The following GRIP1 variants were observed in gnomAD, a reference collection of about 807,000 sequenced individuals.
The protein encoded by GRIP1 is glutamate receptor-interacting protein 1.
GRIP1 carries 45 observed loss-of-function variants against 129.9 expected under a neutral mutation model. That is an observed-to-expected ratio of 0.35 (90% CI 0.27 to 0.44). GRIP1 has a LOEUF of 0.44. Ranked by LOEUF, GRIP1 falls within the 20% of genes least tolerant of loss-of-function variation. The pLI is 1.00. For synonymous variants in GRIP1, 530 were observed against 520.8 expected (o/e 1.02, Z -0.24); for missense variants, 1,196 against 1,396.8 (o/e 0.86, Z 2.29).
intron 9 of GRIP1, among the ~76,000 whole-genome samples, chr12:66,461,346 A>G (rs2059130069): frequency 6.6e-6 from 1 of 152,198 alleles, no homozygotes; most frequent in Non-Finnish European, 1.5e-5. Flanking sequence ...AGCACTACAC[A>G]GTGTACATTC....
At chr12:66,544,035 C>G (rs528569408) in intron 2 of GRIP1, among the ~76,000 whole-genome samples, 2 of 152,258 alleles carry the variant, frequency 1.3e-5, no homozygotes, top group Non-Finnish European at 2.9e-5. Flanking sequence ...TTATGGGAGG[C>G]AGACAATGTC....
At chr12:66,483,898 C>T (rs1361729002) in intron 7 of GRIP1, among the ~76,000 whole-genome samples, 3 of 151,356 alleles carry the variant, frequency 2.0e-5, no homozygotes, top group Non-Finnish European at 2.9e-5. Context: ...CTCGCTCTGT[C>T]GCCCAGGCTG....
intron 1 of GRIP1, among the ~76,000 whole-genome samples, chr12:66,919,209 C>A (rs2041174176): frequency 6.6e-6 from 1 of 152,056 alleles, no homozygotes; most frequent in South Asian, 2.1e-4. Flanking sequence ...AGTTTTTGAC[C>A]CAAGAACTAG....
rs540774789 is a variant in GRIP1 at position 66,627,782 on chromosome 12, C to T, written c.56-30855G>A. Among the ~76,000 whole-genome samples, 3 of 152,130 alleles carry T rather than the reference C, an allele frequency of 2.0e-5. No homozygotes were observed. In the East Asian group the frequency reaches 5.8e-4, roughly 30 times the overall value. On this transcript the variant is annotated intron_variant, in intron 1 of 24. Transcript: ENST00000359742. ...AGACATAGCAGGACTCGACTTGAGG[C>T]CCTTTGTTGGAAATTTTACAAAGGA...
chr12:66,376,173 G>A (rs1478680392), intron 22 of GRIP1, among the ~76,000 whole-genome samples: 2 of 152,184 alleles, frequency 1.3e-5, no homozygotes, highest in African/African-American at 2.4e-5. Context: ...ATGTTTACAA[G>A]TTCAAACTAA....
At chr12:66,909,631 A>T (rs17836565) in intron 1 of GRIP1, among the ~76,000 whole-genome samples, 12,592 of 152,234 alleles carry the variant, frequency 0.083, 774 homozygotes, top group East Asian at 0.18. Flanking sequence ...GAATGTCCTC[A>T]TTGAGTTACA....
At chr12:66,808,795 G>C (rs1332645522), upstream of GRIP1, among the ~76,000 whole-genome samples, 1 of 152,052 alleles carries the variant, frequency 6.6e-6, no homozygotes, top group Non-Finnish European at 1.5e-5. Flanking sequence ...TTTAGCTAGA[G>C]TCCCTCCCCA....
At chr12:66,720,101 T>C (rs774733303) in intron 1 of GRIP1, among the ~76,000 whole-genome samples, 3 of 152,204 alleles carry the variant, frequency 2.0e-5, no homozygotes, top group Non-Finnish European at 4.4e-5. Context: ...GATACAGGCA[T>C]ACCTTGGAGA....
chr12:67,043,379 T>C (rs975887727), intron 1 of GRIP1, among the ~76,000 whole-genome samples: 1 of 152,128 alleles, frequency 6.6e-6, no homozygotes, highest in African/African-American at 2.4e-5. Context: ...CTATAACCGT[T>C]CAGCCCTCAA....
At chr12:66,650,074 G>A (rs1408927497) in intron 1 of GRIP1, among the ~76,000 whole-genome samples, 3 of 152,086 alleles carry the variant, frequency 2.0e-5, no homozygotes, top group Non-Finnish European at 2.9e-5. Context: ...CGTGCCCAAC[G>A]GCAGCTGAAT....
upstream of GRIP1, among the ~76,000 whole-genome samples, chr12:66,683,354 G>T (rs182217966): frequency 1.1e-3 from 164 of 152,172 alleles, no homozygotes; most frequent in Non-Finnish European, 1.7e-3. Context: ...AGACAAGGGA[G>T]ATGTACACTG....
At chr12:66,546,406 C>T (rs564825056) in intron 2 of GRIP1, among the ~76,000 whole-genome samples, 1 of 152,052 alleles carries the variant, frequency 6.6e-6, no homozygotes, top group East Asian at 1.9e-4. Context: ...AGTAGGATCA[C>T]TTGAGCCTGG....
At chr12:66,692,112 T>C (rs565791530) in intron 1 of GRIP1, among the ~76,000 whole-genome samples, 2 of 152,210 alleles carry the variant, frequency 1.3e-5, no homozygotes, top group Non-Finnish European at 2.9e-5. Flanking sequence ...TCAGCAGGGT[T>C]TGGATTTCAG....
chr12:67,012,227 TA>T (rs1316634377), intron 1 of GRIP1, among the ~76,000 whole-genome samples: 4 of 152,190 alleles, frequency 2.6e-5, no homozygotes, highest in African/African-American at 9.6e-5. Flanking sequence ...CCAAAAGTTC[TA>T]CCAACCCTAC....
rs200069844 is a variant in GRIP1, at chr12:66,406,387, T to C, written c.1880A>G (p.Asp627Gly). The C allele has an allele frequency of 1.4e-5, 23 of 1,614,160 alleles. No homozygotes were observed. In the South Asian group the frequency reaches 2.5e-4, roughly 18 times the overall value. Residue 627 changes from aspartate to glycine, a missense_variant, in exon 16 of 25, where the codon GAT becomes GGT. Around this residue, in one of 5 missense-constraint regions of GRIP1, gnomAD observed 508 missense variants for 587.0 expected, o/e 0.87. Coordinates refer to ENST00000359742, the MANE Select transcript of GRIP1 (RefSeq NM_001366722.1). ...LELGDKLLAI[D>G]NIRLDNCSME... Reference sequence around the variant, plus strand: ...GGAACAGTTGTCCAGCCGGATATTATCTATTGCGAGCAATTTATCCCCAAG... The same window carrying C: ...GGAACAGTTGTCCAGCCGGATATTACCTATTGCGAGCAATTTATCCCCAAG...
intron 1 of GRIP1, among the ~76,000 whole-genome samples, chr12:66,825,559 AC>A (rs2039395980): frequency 6.6e-6 from 1 of 152,140 alleles, no homozygotes; most frequent in African/African-American, 2.4e-5. Flanking sequence ...AAGGCACTTA[AC>A]CTGTTTATCC....
At chr12:66,674,174 C>G (rs1462016798) in intron 1 of GRIP1, among the ~76,000 whole-genome samples, 2 of 152,098 alleles carry the variant, frequency 1.3e-5, no homozygotes, top group African/African-American at 4.8e-5. Flanking sequence ...AGAGAGCATT[C>G]TCAACCCAGA....
At position 66,353,455 on chromosome 12, in the gene GRIP1, C is replaced by T. The variant is rs1297321014; in HGVS notation, c.3121G>A (p.Asp1041Asn). 6.2e-7 allele frequency: 1 copy of T among 1,613,084 alleles called. No homozygotes were observed. The highest frequency in any genetic ancestry group is 8.5e-7 in the Non-Finnish European group (1 of 1,179,042). ...VKNIRPAGPG[D>N]LGGLKPYDRL... is the part of the protein sequence containing the mutation. ...TCATAGGGCTTTAAGCCACCAAGATCTCCTGGCCCAGCTGGGCGAATATTT... is the reference window on the plus strand; with the variant it reads ...TCATAGGGCTTTAAGCCACCAAGATTTCCTGGCCCAGCTGGGCGAATATTT... Residue 1041 changes from aspartate to asparagine, a missense_variant, in exon 24 of 25, where the codon GAT becomes AAT. Physicochemically the swap from Asp to Asn is conservative, Grantham distance 23 (BLOSUM62 1). This residue lies in a region of GRIP1 where 427 missense variants were observed against 463.3 expected (regional missense o/e 0.92). Transcript: ENST00000359742.
At chr12:66,617,085 T>TGTGTGTGTGTGTGTGTGTG (rs370300223) in intron 1 of GRIP1, among the ~76,000 whole-genome samples, 8 of 135,450 alleles carry the variant, frequency 5.9e-5, no homozygotes, top group African/African-American at 8.6e-5. Context: ...AACAGACGTT[T>TGTGTGTGTGTGTGTGTGTG]TGTGTGTGTG....
Sources: gnomAD v4.1 joint callset for allele counts (sites outside exome capture counted in the v4.1 genomes callset) on GRCh38, gnomAD v4.1.1 for gene constraint, gnomAD v4.1.1 regional missense constraint, MANE v1.5 for transcripts, NCBI Gene and HGNC (gene_info 2026-07-23, HGNC 2026-07-21) for gene names.